Variants in ZNF680 observed in about 807,000 individuals in gnomAD.
ZNF680 encodes zinc finger protein 680, also known as hypothetical protein FLJ90430.
Under a neutral mutation model 12.1 loss-of-function variants are expected in ZNF680, and 6 were observed. That is an observed-to-expected ratio of 0.49 (90% CI 0.27 to 0.98). ZNF680 has a LOEUF of 0.98. Ranked by LOEUF, ZNF680 falls within the 50% of genes least tolerant of loss-of-function variation. The probability of loss-of-function intolerance (pLI) is 0.12; values close to 1 mark genes in which losing one functional copy is unlikely to be tolerated. For missense variants in ZNF680, 561 were observed against 616.3 expected, an observed-to-expected ratio of 0.91 and a Z score of 0.95; for synonymous variants, 170 against 199.3, an observed-to-expected ratio of 0.85 and a Z score of 1.24.
chr7:64,515,395 G>C (rs1459960940), downstream of ZNF680, among the ~76,000 whole-genome samples: 2 of 151,552 alleles, frequency 1.3e-5, no homozygotes, highest in African/African-American at 4.9e-5. Context: ...CAAGCAAAAA[G>C]CAGTCCAAAA....
intron 3 of ZNF680, among the ~76,000 whole-genome samples, chr7:64,527,003 C>T (rs1380085862): frequency 2.6e-5 from 4 of 152,132 alleles, no homozygotes; most frequent in African/African-American, 7.2e-5. Context: ...TTTGGGAGGC[C>T]GAGGTGGGCC....
chr7:64,541,878 A>G (rs1259779379), intron 3 of ZNF680, among the ~76,000 whole-genome samples: 1 of 152,202 alleles, frequency 6.6e-6, no homozygotes, highest in African/African-American at 2.4e-5. Context: ...TCGATGACTC[A>G]GTTCCAGCTC....
intron 1 of ZNF680, among the ~76,000 whole-genome samples, chr7:64,550,167 C>G (rs1786998660): frequency 6.6e-6 from 1 of 152,132 alleles, no homozygotes; most frequent in East Asian, 1.9e-4. Context: ...TGGACTGATA[C>G]AAAGTTGTTA....
the ZNF680 span, among the ~76,000 whole-genome samples, chr7:64,507,162 C>T: frequency 1.1e-4 from 16 of 152,074 alleles, no homozygotes; most frequent in Admixed American, 1.3e-4. Flanking sequence ...TTAGAAGACA[C>T]TATGCTAGAT....
In ZNF680 at chr7:64,521,069, A is replaced by G. The variant is rs1791500725; in HGVS notation, c.*92T>C. On this transcript the variant is annotated 3_prime_UTR_variant, in exon 4 of 4. Transcript: ENST00000309683. ...TCCAATATAAATTATCTTACCTACA[A>G]GCAAGTGTAACAATCATTGGAAGGC... The G allele has an allele frequency of 1.5e-6, 2 of 1,336,652 alleles. No individual in the cohort carries two copies. Among genetic ancestry groups the G allele is most frequent in the Middle Eastern group, 2.3e-4 (1 of 4,270 alleles). The allele number at this position is 1,336,652 out of a possible 1,614,324, so 82.8% of individuals were successfully genotyped here. A position where few individuals can be genotyped will look rare whatever the true frequency, so the allele number is the denominator to read the frequency against.
downstream of ZNF680, among the ~76,000 whole-genome samples, chr7:64,515,344 C>A (rs930522053): frequency 1.3e-5 from 2 of 151,868 alleles, no homozygotes; most frequent in Admixed American, 1.3e-4. Context: ...GCACCCCCCC[C>A]TAAAAAATCC....
At chr7:64,558,256 T>C (rs1787531221) in intron 1 of ZNF680, among the ~76,000 whole-genome samples, 1 of 151,740 alleles carries the variant, frequency 6.6e-6, no homozygotes, top group South Asian at 2.1e-4. Flanking sequence ...TTGTGGATTT[T>C]TGGCAAAAAA....
chr7:64,519,687 A>C (rs1268147615), downstream of ZNF680, among the ~76,000 whole-genome samples: 1 of 151,842 alleles, frequency 6.6e-6, no homozygotes, highest in Admixed American at 6.6e-5. Context: ...ATCTAAAAGA[A>C]AATTTTATTA....
chr7:64,561,687 C>A (rs1342434883), intron 1 of ZNF680, among the ~76,000 whole-genome samples: 1 of 152,148 alleles, frequency 6.6e-6, no homozygotes, highest in Non-Finnish European at 1.5e-5. Flanking sequence ...GTAATCCCAG[C>A]ACTTTGGGAG....
At chr7:64,522,858 G>A (rs1353402949) in intron 3 of ZNF680, among the ~76,000 whole-genome samples, 1 of 151,318 alleles carries the variant, frequency 6.6e-6, no homozygotes, top group Non-Finnish European at 1.5e-5. Flanking sequence ...AGAAGTGTGT[G>A]ATATAGTCAA....
At chr7:64,553,882 C>G (rs1787227401) in intron 1 of ZNF680, among the ~76,000 whole-genome samples, 1 of 152,208 alleles carries the variant, frequency 6.6e-6, no homozygotes, top group Non-Finnish European at 1.5e-5. Flanking sequence ...CTCGCTCACT[C>G]AGTGCTCAAT....
chr7:64,554,011 T>C (rs1445881355), intron 1 of ZNF680, among the ~76,000 whole-genome samples: 6 of 151,678 alleles, frequency 4.0e-5, no homozygotes, highest in African/African-American at 1.4e-4. Context: ...CGCCACCCCG[T>C]CTAGGAAGTG....
intron 1 of ZNF680, among the ~76,000 whole-genome samples, chr7:64,557,585 C>CA (rs759073910): frequency 0.016 from 2,369 of 148,334 alleles, 27 homozygotes; most frequent in Non-Finnish European, 0.025. Context: ...AAAAACAAAA[C>CA]AAAAAAAAAC....
At chr7:64,534,356 C>T (rs527399601) in intron 3 of ZNF680, among the ~76,000 whole-genome samples, 1 of 152,000 alleles carries the variant, frequency 6.6e-6, no homozygotes, top group South Asian at 2.1e-4. Context: ...GCTAAGGACA[C>T]GAATAAACAT....
the ZNF680 span, chr7:64,501,058 G>A: frequency 1.2e-6 from 1 of 801,468 alleles, no homozygotes; most frequent in Non-Finnish European, 2.1e-6. Flanking sequence ...TGCTGGCCAG[G>A]TTTTAGATAT....
chr7:64,556,669 T>A (rs140396528), intron 1 of ZNF680, among the ~76,000 whole-genome samples: 1 of 152,096 alleles, frequency 6.6e-6, no homozygotes, highest in Non-Finnish European at 1.5e-5. Context: ...GAACATACAA[T>A]TGTAAAAAAC....
chr7:64,556,907 C>T (rs985108788), intron 1 of ZNF680, among the ~76,000 whole-genome samples: 1 of 152,164 alleles, frequency 6.6e-6, no homozygotes, highest in African/African-American at 2.4e-5. Flanking sequence ...GTAAAATATG[C>T]TTCTGACAAA....
At chr7:64,517,561 G>A (rs796977612), downstream of ZNF680, among the ~76,000 whole-genome samples, 4 of 151,858 alleles carry the variant, frequency 2.6e-5, no homozygotes, top group South Asian at 2.1e-4. Context: ...TATTCCACAC[G>A]ACACGGTAAG....
In ZNF680 at chr7:64,521,934, C is replaced by A; in HGVS notation, c.820G>T (p.Ala274Ser). The change falls in exon 4 of 4, where the codon GCC becomes TCC. Residue 274 changes from alanine (A) to serine (S), a missense_variant. By Grantham distance (99) the Ala-to-Ser change is moderately conservative (BLOSUM62 1). Coordinates refer to ENST00000309683, the MANE Select transcript of ZNF680 (RefSeq NM_178558.5). ...KPFKCEECGKAFSLFSILSKH... is the reference protein window; with the variant it reads ...KPFKCEECGKSFSLFSILSKH... ...CTAAGGATTGAGAATAAACTAAAGGCTTTGCCACATTCTTCACATTTGAAG... is the reference window on the plus strand; with the variant it reads ...CTAAGGATTGAGAATAAACTAAAGGATTTGCCACATTCTTCACATTTGAAG... 6.2e-7 allele frequency: 1 copy of A among 1,613,054 alleles called. No homozygotes were observed. Among genetic ancestry groups the A allele is most frequent in the Non-Finnish European group, 8.5e-7 (1 of 1,179,594 alleles).
Sources: allele counts gnomAD v4.1 joint callset (sites outside exome capture counted in the v4.1 genomes callset), GRCh38; gene constraint gnomAD v4.1.1; transcripts MANE v1.5; gene names NCBI Gene and HGNC (gene_info 2026-07-23, HGNC 2026-07-21).